The following SLC25A24 variants were observed in gnomAD, a reference collection of about 807,000 sequenced individuals.
SLC25A24 encodes the protein mitochondrial adenyl nucleotide antiporter SLC25A24.
In SLC25A24, 49 loss-of-function variants were observed where a neutral mutation model predicts 60.7. That is an observed-to-expected ratio of 0.81 (90% CI 0.64 to 1.02). The LOEUF (loss-of-function observed/expected upper bound fraction) is 1.02, where lower values mean the gene tolerates loss of function less well. Among genes scored for constraint, SLC25A24 ranks in the 50% least tolerant of loss-of-function variants. SLC25A24 has a pLI of 0.00. For missense variants in SLC25A24, 564 were observed against 586.3 expected (o/e 0.96, Z 0.39); for synonymous variants, 202 against 200.6 (o/e 1.01, Z -0.06).
At chr1:108,181,501 A>C (rs955447238) in intron 3 of SLC25A24, among the ~76,000 whole-genome samples, 21 of 152,208 alleles carry the variant, frequency 1.4e-4, no homozygotes, top group African/African-American at 3.6e-4. Flanking sequence ...CTGAAAGTTT[A>C]AACAGGTATT....
intron 4 of SLC25A24, among the ~76,000 whole-genome samples, chr1:108,159,802 G>C (rs1277250614): frequency 6.6e-6 from 1 of 151,470 alleles, no homozygotes; most frequent in East Asian, 1.9e-4. Context: ...AGATCAACAG[G>C]ATCCCAAGGC....
intron 3 of SLC25A24, among the ~76,000 whole-genome samples, chr1:108,177,405 CCTTA>C (rs1418972656): frequency 1.3e-5 from 2 of 152,018 alleles, no homozygotes; most frequent in Middle Eastern, 3.2e-3. Context: ...AGTACAAAGT[CCTTA>C]CTTATCAATA....
chr1:108,145,593 G>A (rs1353257688), intron 7 of SLC25A24, among the ~76,000 whole-genome samples: 1 of 151,610 alleles, frequency 6.6e-6, no homozygotes, highest in African/African-American at 2.4e-5. Context: ...TTTTTTATAA[G>A]GTGTAAGGAA....
chr1:108,156,503 G>A (rs75037536), intron 5 of SLC25A24, among the ~76,000 whole-genome samples: 1,737 of 152,208 alleles, frequency 0.011, 34 homozygotes, highest in African/African-American at 0.04. Flanking sequence ...CATTAGCTTT[G>A]CCCCTAAATA....
At chr1:108,188,758 T>G (rs537795177) in intron 1 of SLC25A24, among the ~76,000 whole-genome samples, 2 of 152,284 alleles carry the variant, frequency 1.3e-5, no homozygotes, top group South Asian at 4.1e-4. Flanking sequence ...AGAAAAGGTT[T>G]GGGGGCGGAT....
chr1:108,147,076 C>T (rs929182942), intron 7 of SLC25A24, among the ~76,000 whole-genome samples: 3 of 152,132 alleles, frequency 2.0e-5, no homozygotes, highest in African/African-American at 7.2e-5. Context: ...CTATTAATTA[C>T]TGCCTCAATT....
Position 108,200,343 on chromosome 1 carries a change from T to G in SLC25A24, c.-205A>C. 3.4e-6 allele frequency: 1 copy of G among 296,052 alleles called. No homozygotes were observed. Among genetic ancestry groups the G allele is most frequent in the Non-Finnish European group, 6.0e-6 (1 of 165,614 alleles). The allele number at this position is 296,052 out of a possible 1,614,324, so 18.3% of individuals were successfully genotyped here. ...CCGAGCCCGCGCGGAGCGCAGGGTG[T>G]GGCCGTCCCGCCGCTGCTGGGGAGG... On this transcript the variant is annotated 5_prime_UTR_variant, in exon 1 of 10. Transcript: ENST00000565488.
At chr1:108,142,100 AAT>A (rs1273268393) in intron 8 of SLC25A24, among the ~76,000 whole-genome samples, 2 of 152,188 alleles carry the variant, frequency 1.3e-5, no homozygotes, top group African/African-American at 4.8e-5. Context: ...CCATAATAAA[AAT>A]AAGCTTTTTT....
intron 6 of SLC25A24, among the ~76,000 whole-genome samples, chr1:108,152,377 T>TA (rs1260161499): frequency 2.1e-3 from 322 of 152,112 alleles, no homozygotes; most frequent in African/African-American, 6.3e-3. Context: ...TTTATTTATT[T>TA]TTTTTTTGAG....
chr1:108,150,786 TACAC>T (rs935551602), intron 6 of SLC25A24, among the ~76,000 whole-genome samples: 48 of 151,764 alleles, frequency 3.2e-4, no homozygotes, highest in African/African-American at 1.1e-3. Flanking sequence ...TCCCTTTCCC[TACAC>T]ACAAACTCCC....
chr1:108,139,016 T>G (rs761507293), intron 9 of SLC25A24, 42 bp downstream of exon 9: 4 of 1,495,096 alleles, frequency 2.7e-6, no homozygotes, highest in Non-Finnish European at 3.6e-6. Context: ...ACATTACTGG[T>G]GCAGCACTTT....
At chr1:108,169,891 T>C (rs1647386390) in intron 3 of SLC25A24, among the ~76,000 whole-genome samples, 1 of 152,200 alleles carries the variant, frequency 6.6e-6, no homozygotes, top group Non-Finnish European at 1.5e-5. Context: ...CTTATGTGCC[T>C]ATTTATAACT....
chr1:108,139,200 C>T lies in SLC25A24; in HGVS notation c.1107G>A (p.Lys369=). 1 of 1,587,246 alleles carries T rather than the reference C, an allele frequency of 6.3e-7. No homozygotes were observed. Among genetic ancestry groups the T allele is most frequent in the Non-Finnish European group, 8.5e-7 (1 of 1,170,624 alleles). The part of the protein sequence containing the change: ...GIDLAVYELL[K]SYWLDNFAKD... ...TTGCAAAATTATCCAGCCAATAGGA[C>T]TTCAAGAGCTGCCAGAGAAATAAAG... Residue 369 remains lysine (K), a synonymous_variant, in exon 9 of 10, where the codon AAG becomes AAA. Coordinates refer to ENST00000565488, the MANE Select transcript of SLC25A24 (RefSeq NM_013386.5).
rs537420502 is a variant in SLC25A24, at chr1:108,139,131, A to C, written c.1176T>G (p.Gly392=). ...GCTGACCACAGGTGCTGGATAAGGC[A>C]CCGCATCCCAGCAACACCATGACTC... is the stretch of plus-strand genomic sequence containing the variant. ...NPGVMVLLGC[G]ALSSTCGQLA... Residue 392 remains glycine (G), a synonymous_variant, in exon 9 of 10, where the codon GGT becomes GGG. Transcript: ENST00000565488. 2.5e-6 allele frequency: 4 copies of C among 1,611,382 alleles called. No homozygotes were observed. The highest frequency in any genetic ancestry group is 2.2e-5 in the South Asian group (2 of 90,286).
intron 1 of SLC25A24, chr1:108,199,640 G>A (rs528523015): frequency 2.0e-5 from 10 of 498,034 alleles, no homozygotes; most frequent in Non-Finnish European, 3.2e-5. Flanking sequence ...TATTAAAACA[G>A]AAAACAAAGA....
chr1:108,182,447 C>A (rs1410662679), intron 2 of SLC25A24, among the ~76,000 whole-genome samples: 1 of 152,158 alleles, frequency 6.6e-6, no homozygotes, highest in East Asian at 1.9e-4. Context: ...AATTACTAGA[C>A]ATTTACTATG....
At chr1:108,180,325 A>G (rs1647869291) in intron 3 of SLC25A24, among the ~76,000 whole-genome samples, 1 of 151,888 alleles carries the variant, frequency 6.6e-6, no homozygotes, top group Non-Finnish European at 1.5e-5. Context: ...AGATCGCACC[A>G]TTGCACTCCA....
Position 108,148,302 on chromosome 1 carries a change from GT to G in SLC25A24, c.906del (p.Gln303ArgfsTer10), listed in dbSNP as rs778489099. 6.2e-7 allele frequency: 1 copy of G among 1,609,334 alleles called. No individual in the cohort carries two copies. Among genetic ancestry groups the G allele is most frequent in the Non-Finnish European group, 8.5e-7 (1 of 1,175,762 alleles). On this transcript the variant is annotated frameshift_variant, in exon 7 of 10. Coordinates refer to ENST00000565488, the MANE Select transcript of SLC25A24 (RefSeq NM_013386.5). LOFTEE classifies it high-confidence loss of function. ...FISGSMAGAT[A>X]QTFIYPMEVM... ...ACCTCCATTGGATATATAAAAGTCT[GT>G]GCAGTTGCTCCAGCCATGGAACCAG...
chr1:108,148,426 G>A (rs757508505), intron 6 of SLC25A24, 40 bp from the exon 7 acceptor site: 21 of 1,139,470 alleles, frequency 1.8e-5, no homozygotes, highest in Admixed American at 8.4e-5. Flanking sequence ...ACTACCTGCT[G>A]TGGACTGAGC....
Sources: allele counts gnomAD v4.1 joint callset (sites outside exome capture counted in the v4.1 genomes callset), GRCh38; gene constraint gnomAD v4.1.1; transcripts MANE v1.5; gene names NCBI Gene and HGNC (gene_info 2026-07-23, HGNC 2026-07-21).